MPP7: variants seen among roughly 807,000 people sequenced by gnomAD.
The protein encoded by MPP7 is MAGUK p55 subfamily member 7.
In MPP7, 60 loss-of-function variants were observed where a neutral mutation model predicts 76.5. The ratio of observed to expected loss-of-function variants is 0.78; its 90% CI spans 0.64 to 0.97. MPP7 has a LOEUF of 0.97. Ranked by LOEUF, MPP7 falls within the 50% of genes least tolerant of loss-of-function variation. The probability of loss-of-function intolerance (pLI) is 0.00; values close to 1 mark genes in which losing one functional copy is unlikely to be tolerated. For missense variants in MPP7, 641 were observed against 694.0 expected, an observed-to-expected ratio of 0.92 and a Z score of 0.86; for synonymous variants, 237 against 244.5, an observed-to-expected ratio of 0.97 and a Z score of 0.29.
At chr10:28,068,949 G>A (rs564214614) in intron 13 of MPP7, among the ~76,000 whole-genome samples, 30 of 152,206 alleles carry the variant, frequency 2.0e-4, no homozygotes, top group East Asian at 7.7e-4. Flanking sequence ...GTAATTTAGC[G>A]CAAATCCTTT....
intron 1 of MPP7, among the ~76,000 whole-genome samples, chr10:28,272,217 G>A (rs1840348630): frequency 6.6e-6 from 1 of 152,058 alleles, no homozygotes; most frequent in Non-Finnish European, 1.5e-5. Flanking sequence ...AAACTAAAAT[G>A]CACTTTTAGA....
chr10:28,242,356 A>T (rs1839298728), intron 1 of MPP7, among the ~76,000 whole-genome samples: 3 of 152,216 alleles, frequency 2.0e-5, no homozygotes, highest in Non-Finnish European at 4.4e-5. Context: ...TAAACTTTTT[A>T]AAAAAAAATC....
At chr10:28,214,868 G>A (rs1399509898) in intron 2 of MPP7, among the ~76,000 whole-genome samples, 1 of 152,082 alleles carries the variant, frequency 6.6e-6, no homozygotes, top group Non-Finnish European at 1.5e-5. Context: ...CAGTGTAGGG[G>A]TCATGCAGCC....
intron 11 of MPP7, among the ~76,000 whole-genome samples, chr10:28,107,645 C>A (rs141215570): frequency 6.6e-6 from 1 of 152,236 alleles, no homozygotes; most frequent in African/African-American, 2.4e-5. Context: ...TTTTGCTGTT[C>A]TCTGGAACTC....
chr10:28,140,610 A>G (rs1237389549), intron 5 of MPP7, among the ~76,000 whole-genome samples: 1 of 152,234 alleles, frequency 6.6e-6, no homozygotes, highest in Admixed American at 6.5e-5. Context: ...GAAACTAGAG[A>G]AAAATATGTA....
Position 28,268,529 on chromosome 10 carries a change from C to T in MPP7, c.-131-29794G>A, listed in dbSNP as rs371313763. ...CACGGATGACTTGAGGTAAGGAGTT[C>T]GAGACCAGCCTGGTCAACATGGTGA... On this transcript the variant is annotated intron_variant, in intron 1 of 16. Transcript: ENST00000683449. Among the ~76,000 whole-genome samples the T allele has an allele frequency of 2.2e-4, 33 of 152,088 alleles. No individual in the cohort carries two copies. The East Asian group carries it at 3.5e-3, about 16-fold the overall frequency.
intron 1 of MPP7, among the ~76,000 whole-genome samples, chr10:28,294,246 G>A (rs1840989610): frequency 6.6e-6 from 1 of 152,200 alleles, no homozygotes; most frequent in Non-Finnish European, 1.5e-5. Flanking sequence ...GGTGGAACCT[G>A]CAGTGAGCTG....
intron 3 of MPP7, among the ~76,000 whole-genome samples, chr10:28,168,740 G>A (rs932130240): frequency 6.6e-6 from 1 of 152,034 alleles, no homozygotes; most frequent in African/African-American, 2.4e-5. Flanking sequence ...GAATGGTCTC[G>A]ATCTCCTGAC....
chr10:28,183,940 T>G (rs981656919), intron 3 of MPP7, among the ~76,000 whole-genome samples: 4 of 152,178 alleles, frequency 2.6e-5, no homozygotes, highest in African/African-American at 9.7e-5. Context: ...ATGATGATAA[T>G]GATGGTGACT....
intron 13 of MPP7, among the ~76,000 whole-genome samples, 187 bp from the exon 14 acceptor site, chr10:28,059,930 A>G (rs1290072100): frequency 6.6e-6 from 1 of 152,186 alleles, no homozygotes; most frequent in East Asian, 1.9e-4. Context: ...TATTAAAATT[A>G]TATTGATTTG....
At chr10:28,154,681 T>C (rs915103535) in intron 3 of MPP7, among the ~76,000 whole-genome samples, 4 of 148,960 alleles carry the variant, frequency 2.7e-5, no homozygotes, top group Non-Finnish European at 5.9e-5. Flanking sequence ...GTTCCCAGAA[T>C]AATGTTCTAG....
At position 28,086,055 on chromosome 10, in the gene MPP7, C is replaced by T. The variant is rs61923076; in HGVS notation, c.1123+3616G>A. ...AACACAGGAACAGAAAACCAAACAC[C>T]GCATGTTCTCACTTATAAGTGGAAG... On this transcript the variant is annotated intron_variant, in intron 12 of 16. Coordinates refer to ENST00000683449, the MANE Select transcript of MPP7 (RefSeq NM_001318170.2). 7.0e-3 allele frequency among the ~76,000 whole-genome samples: 1,067 copies of T among 152,158 alleles called. 14 individuals carry two copies. Among genetic ancestry groups the T allele is most frequent in the African/African-American group, 0.024 (1,013 of 41,510 alleles).
In MPP7 at chr10:28,234,588, G is replaced by A. The variant is rs116933408; in HGVS notation, c.37+3980C>T. 2.2e-3 allele frequency among the ~76,000 whole-genome samples: 331 copies of A among 152,190 alleles called. 5 individuals carry two copies. The East Asian group carries it at 0.04, about 18-fold the overall frequency. On this transcript the variant is annotated intron_variant, in intron 2 of 16. Coordinates refer to ENST00000683449, the MANE Select transcript of MPP7 (RefSeq NM_001318170.2). ...ACATTAATGTCAACAGTTATAAATC[G>A]AGTTGACAGAATATACCCTCAGTGT...
At chr10:28,202,327 G>T in intron 2 of MPP7, 56 bp from the exon 3 acceptor site, 1 of 1,284,512 alleles carries the variant, frequency 7.8e-7, no homozygotes, top group Non-Finnish European at 1.1e-6. Flanking sequence ...CATTAATTTC[G>T]CCTAAGGTGT....
intron 4 of MPP7, 50 bp downstream of exon 4, chr10:28,149,932 G>T: frequency 1.4e-6 from 2 of 1,454,344 alleles, no homozygotes; most frequent in South Asian, 1.2e-5. Flanking sequence ...TTCTGCCTGG[G>T]CCAGGTCTGC....
At position 28,262,223 on chromosome 10, in the gene MPP7, A is replaced by ATTATAT. The variant is rs1221341987; in HGVS notation, c.-131-23489_-131-23488insATATAA. Among the ~76,000 whole-genome samples, 2 of 27,558 alleles carry ATTATAT rather than the reference A, an allele frequency of 7.3e-5. 1 individual carries two copies. The highest frequency in any genetic ancestry group is 2.9e-4 in the African/African-American group (2 of 6,928). The allele number at this position is 27,558 out of a possible 152,430, so 18.1% of individuals were successfully genotyped here. ...TATATATATACATATATATATATAT[A>ATTATAT]TACATATATATATATATATACATAT... On this transcript the variant is annotated intron_variant, in intron 1 of 16. Transcript: ENST00000683449.
intron 2 of MPP7, among the ~76,000 whole-genome samples, chr10:28,324,731 G>A (rs986428150): frequency 6.6e-6 from 1 of 152,144 alleles, no homozygotes. Flanking sequence ...GATGAGCATA[G>A]ATGTAATTAA....
chr10:28,194,399 C>T (rs1837512874), intron 3 of MPP7, among the ~76,000 whole-genome samples: 1 of 152,228 alleles, frequency 6.6e-6, no homozygotes, highest in Non-Finnish European at 1.5e-5. Context: ...AAACTTACAT[C>T]TACACAAAAA....
Position 28,119,727 on chromosome 10 carries a change from A to G in MPP7, c.888-12T>C, listed in dbSNP as rs1834770888. 1 of 1,611,604 alleles carries G rather than the reference A, an allele frequency of 6.2e-7. No homozygotes were observed. Among genetic ancestry groups the G allele is most frequent in the Non-Finnish European group, 8.5e-7 (1 of 1,177,972 alleles). ...TCAAAGCCAATCTCCTGGGAGAAAG[A>G]AGGTCAACATACCTATCAATTTTCA... On this transcript the variant is annotated splice_polypyrimidine_tract_variant and intron_variant, in intron 10 of 16. Transcript: ENST00000683449.
Sources: gnomAD v4.1 joint callset for allele counts (sites outside exome capture counted in the v4.1 genomes callset) on GRCh38, gnomAD v4.1.1 for gene constraint, MANE v1.5 for transcripts, NCBI Gene and HGNC (gene_info 2026-07-23, HGNC 2026-07-21) for gene names.